The following SORCS1 variants were observed in gnomAD, a reference collection of about 807,000 sequenced individuals.
SORCS1 encodes VPS10 domain-containing receptor SorCS1.
In SORCS1, 60 loss-of-function variants were observed where a neutral mutation model predicts 146.1. The ratio of observed to expected loss-of-function variants is 0.41; its 90% CI spans 0.33 to 0.51. The LOEUF (loss-of-function observed/expected upper bound fraction) is 0.51, where lower values mean the gene tolerates loss of function less well. Ranked by LOEUF, SORCS1 falls within the 20% of genes least tolerant of loss-of-function variation. SORCS1 has a pLI of 0.21. For synonymous variants in SORCS1, 637 were observed against 584.0 expected (o/e 1.09, Z -1.31); for missense variants, 1,352 against 1,487.6 (o/e 0.91, Z 1.50).
At chr10:107,032,619 A>C (rs1193721984) in intron 1 of SORCS1, among the ~76,000 whole-genome samples, 1 of 151,744 alleles carries the variant, frequency 6.6e-6, no homozygotes, top group East Asian at 1.9e-4. Context: ...CCTGCTGAGA[A>C]CCTCCCCTTG....
chr10:106,639,203 C>A (rs377038702), intron 18 of SORCS1, among the ~76,000 whole-genome samples: 3 of 152,232 alleles, frequency 2.0e-5, no homozygotes, highest in South Asian at 4.1e-4. Flanking sequence ...CTCACTCAGG[C>A]GAGGATTGCA....
intron 19 of SORCS1, among the ~76,000 whole-genome samples, chr10:106,621,842 G>C (rs1847767149): frequency 6.6e-6 from 1 of 152,030 alleles, no homozygotes. Flanking sequence ...TGGCGCCCTG[G>C]TTCATACTCT....
intron 10 of SORCS1, among the ~76,000 whole-genome samples, chr10:106,681,608 A>G (rs1232844895): frequency 3.9e-5 from 6 of 152,148 alleles, no homozygotes; most frequent in Admixed American, 1.3e-4. Flanking sequence ...TAATGTTGTG[A>G]GCATCTGTAT....
intron 24 of SORCS1, among the ~76,000 whole-genome samples, chr10:106,592,066 C>T (rs1589680845): frequency 6.6e-6 from 1 of 152,278 alleles, no homozygotes; most frequent in Middle Eastern, 3.4e-3. Context: ...TACTAAAAGT[C>T]AAAGGGAGCC....
At chr10:106,709,089 C>T (rs1466819780) in intron 7 of SORCS1, 134 bp downstream of exon 7, 3 of 637,290 alleles carry the variant, frequency 4.7e-6, no homozygotes, top group Non-Finnish European at 8.4e-6. Context: ...GTGATTTTCC[C>T]CTCTCTCCCT....
intron 3 of SORCS1, among the ~76,000 whole-genome samples, chr10:106,813,171 C>T (rs1047633430): frequency 4.1e-5 from 5 of 120,640 alleles, no homozygotes; most frequent in Admixed American, 1.2e-4. Flanking sequence ...CTTGCACTGT[C>T]GCCCTCGCTG....
intron 2 of SORCS1, among the ~76,000 whole-genome samples, chr10:106,932,447 C>T (rs1462283630): frequency 1.3e-5 from 2 of 152,128 alleles, no homozygotes; most frequent in African/African-American, 4.8e-5. Flanking sequence ...AACTTTGTCA[C>T]TGGTGACAAA....
chr10:106,616,875 A>G (rs1043410573), intron 21 of SORCS1, among the ~76,000 whole-genome samples: 2 of 152,120 alleles, frequency 1.3e-5, no homozygotes, highest in African/African-American at 2.4e-5. Flanking sequence ...ATCTCATCAA[A>G]ATCAACTGAT....
chr10:106,746,388 C>G (rs1260099455), intron 5 of SORCS1, among the ~76,000 whole-genome samples: 2 of 152,142 alleles, frequency 1.3e-5, no homozygotes, highest in African/African-American at 4.8e-5. Context: ...AAATCCTATG[C>G]CCAAATCTTA....
rs201718166 is a variant in SORCS1 at position 106,636,266 on chromosome 10, G to GA, written c.2476-6879dup. ...CAGAGTGAACCACTCTCTCACTAAA[G>GA]AAAAAAAAAATAGAAAAGGAAAACA... On this transcript the variant is annotated intron_variant, in intron 18 of 25. Coordinates refer to ENST00000263054, the MANE Select transcript of SORCS1 (RefSeq NM_052918.5). 5.4e-4 allele frequency among the ~76,000 whole-genome samples: 79 copies of GA among 146,936 alleles called. No individual in the cohort carries two copies. The East Asian group carries it at 8.1e-3, about 15-fold the overall frequency.
chr10:106,611,956 C>T lies in SORCS1; in HGVS notation c.2988G>A (p.Glu996=), dbSNP rs946400249. Residue 996 remains glutamate (E), a synonymous_variant, in exon 22 of 26, where the codon GAG becomes GAA. Coordinates refer to ENST00000263054, the MANE Select transcript of SORCS1 (RefSeq NM_052918.5). ...NLDDYNPDIP[E]WRRDIGRVIK... is the part of the protein sequence containing the mutation. ...TGACTCGACCGATGTCCCTCCTCCA[C>T]TCAGGGATGTCCGGGTTGTAGTCAT... is the stretch of plus-strand genomic sequence containing the variant. 6 of 1,614,050 alleles carry T rather than the reference C, an allele frequency of 3.7e-6. No individual in the cohort carries two copies. Among genetic ancestry groups the T allele is most frequent in the Middle Eastern group, 1.6e-4 (1 of 6,080 alleles).
At position 107,089,932 on chromosome 10, in the gene SORCS1, T is replaced by C. The variant is rs192555412; in HGVS notation, c.558+74037A>G. The stretch of plus-strand genomic sequence containing the variant: ...TACAATTTTTAAAAGGGCTCTCAGA[T>C]GGCTGCGGCTCTTTTCAGACTTAAT... On this transcript the variant is annotated intron_variant, in intron 1 of 25. Transcript: ENST00000263054. 1.4e-3 allele frequency among the ~76,000 whole-genome samples: 206 copies of C among 152,332 alleles called. 1 individual carries two copies. The highest frequency in any genetic ancestry group is 1.2e-3 in the Non-Finnish European group (82 of 68,020).
chr10:107,083,786 G>C lies in SORCS1; in HGVS notation c.558+80183C>G, dbSNP rs145738386. Among the ~76,000 whole-genome samples the C allele has an allele frequency of 8.3e-4, 126 of 152,306 alleles. 1 individual carries two copies. The highest frequency in any genetic ancestry group is 2.9e-3 in the African/African-American group (122 of 41,560). The stretch of plus-strand genomic sequence containing the variant: ...GGGCTGCATATGAGCACTGTAAAAG[G>C]AGGCCCTAGAGGGGAGTGGGATGAC... On this transcript the variant is annotated intron_variant, in intron 1 of 25. Transcript: ENST00000263054.
chr10:106,622,484 A>C (rs1847817999), intron 19 of SORCS1, among the ~76,000 whole-genome samples: 1 of 152,104 alleles, frequency 6.6e-6, no homozygotes, highest in South Asian at 2.1e-4. Context: ...TCAAGTATTC[A>C]CTGGGTAAAA....
intron 2 of SORCS1, among the ~76,000 whole-genome samples, chr10:106,879,333 A>G (rs538855627): frequency 6.6e-6 from 1 of 152,292 alleles, no homozygotes; most frequent in African/African-American, 2.4e-5. Context: ...CTAAACACTC[A>G]CATACTAAAA....
chr10:106,614,688 A>G (rs1470122074), intron 21 of SORCS1, among the ~76,000 whole-genome samples: 1 of 152,210 alleles, frequency 6.6e-6, no homozygotes, highest in African/African-American at 2.4e-5. Flanking sequence ...ATCTTAGTAA[A>G]AGGACACAAA....
chr10:106,697,126 G>A (rs866100718), intron 9 of SORCS1, among the ~76,000 whole-genome samples: 46 of 152,052 alleles, frequency 3.0e-4, no homozygotes, highest in African/African-American at 1.1e-3. Context: ...AAGTTAAAAT[G>A]TTTATAATCT....
At chr10:107,091,073 C>G (rs1964149385) in intron 1 of SORCS1, among the ~76,000 whole-genome samples, 1 of 152,182 alleles carries the variant, frequency 6.6e-6, no homozygotes, top group South Asian at 2.1e-4. Flanking sequence ...GAGGGAGACC[C>G]AAGCCCTCTG....
At chr10:107,111,156 C>T (rs1321619725) in intron 1 of SORCS1, among the ~76,000 whole-genome samples, 3 of 152,076 alleles carry the variant, frequency 2.0e-5, no homozygotes, top group Admixed American at 6.5e-5. Context: ...AAGGCTACAG[C>T]GATAACAACA....
Sources: allele counts gnomAD v4.1 joint callset (sites outside exome capture counted in the v4.1 genomes callset), GRCh38; gene constraint gnomAD v4.1.1; transcripts MANE v1.5; gene names NCBI Gene and HGNC (gene_info 2026-07-23, HGNC 2026-07-21).